Variants in CDKN2B-AS1 observed in about 807,000 individuals in gnomAD.
CDKN2B-AS1 encodes the protein CDKN2B and CDKN2A antisense cis and trans regulatory RNA 1.
chr9:22,056,215 T>TATATAC (rs1823562385), intron 3 of CDKN2B-AS1: 1 of 102,318 alleles, frequency 9.8e-6, no homozygotes, highest in Admixed American at 1.2e-4. Context: ...TGTGTGTGTA[T>TATATAC]ATATATATAT....
In CDKN2B-AS1 at chr9:22,006,417, A is replaced by G; in HGVS notation, n.29+11256A>G. The G allele has an allele frequency of 1.1e-6, 1 of 908,438 alleles. No individual in the cohort carries two copies. Among genetic ancestry groups the G allele is most frequent in the Non-Finnish European group, 1.7e-6 (1 of 591,590 alleles). The allele number at this position is 908,438 out of a possible 1,614,324, so 56.3% of individuals were successfully genotyped here. ...TGGTGTTTCTTCATTTGCTGATGCA[A>G]TCCACTTTCCCACCCCACCTTCAGG... On this transcript the variant is annotated intron_variant and non_coding_transcript_variant, in intron 1 of 4. Transcript: ENST00000650946. This position sits in a 1 kb window ranked among gnomAD's most constrained non-coding sequence, Gnocchi z 6.4.
At chr9:22,066,694 A>G (rs1824058532) in intron 4 of CDKN2B-AS1, among the ~76,000 whole-genome samples, 1 of 152,064 alleles carries the variant, frequency 6.6e-6, no homozygotes, top group Non-Finnish European at 1.5e-5. Context: ...TTTAAAAAGA[A>G]CATTCGTATT....
At position 22,123,625 on chromosome 9, in the gene CDKN2B-AS1, A is replaced by C. The variant is rs924502058; in HGVS notation, n.439-3478A>C. ...GGCCAATGATCCAGAAGTAATGATG[A>C]ATGAGAAGATGGATTAAAAAAACCC... On this transcript the variant is annotated intron_variant and non_coding_transcript_variant, in intron 4 of 4. Coordinates refer to ENST00000650946, the Ensembl canonical transcript of CDKN2B-AS1. Among the ~76,000 whole-genome samples, 9 of 152,296 alleles carry C rather than the reference A, an allele frequency of 5.9e-5. No homozygotes were observed. In the South Asian group the frequency reaches 1.7e-3, roughly 28 times the overall value.
At chr9:22,024,549 G>C (rs1485502927) in intron 1 of CDKN2B-AS1, among the ~76,000 whole-genome samples, 1 of 152,190 alleles carries the variant, frequency 6.6e-6, no homozygotes, top group East Asian at 1.9e-4. Context: ...GATTGCTCAG[G>C]GTGTGGGAGG....
rs1391368346 is a variant in CDKN2B-AS1, at chr9:21,995,264, C to G, written n.29+103C>G. On this transcript the variant is annotated intron_variant and non_coding_transcript_variant, in intron 1 of 4. Coordinates refer to ENST00000650946, the Ensembl canonical transcript of CDKN2B-AS1. The surrounding 1 kb of genome is among the most constrained non-coding windows in gnomAD (Gnocchi z 5.7). ...CGCCTGGCTGGGACAAGCACCGAGT[C>G]CTTTGTGTCTAGCCCATTTTTATTT... The G allele has an allele frequency of 6.6e-6, 1 of 152,276 alleles. No individual in the cohort carries two copies. The highest frequency in any genetic ancestry group is 1.5e-5 in the Non-Finnish European group (1 of 68,076). 9.4% of individuals were successfully genotyped at this position (152,276 alleles called of 1,614,324 possible).
At chr9:22,106,497 A>T (rs182290114) in intron 4 of CDKN2B-AS1, among the ~76,000 whole-genome samples, 3 of 152,306 alleles carry the variant, frequency 2.0e-5, no homozygotes, top group African/African-American at 7.2e-5. Context: ...GATTATAGGC[A>T]TGCGCTACCG....
intron 4 of CDKN2B-AS1, among the ~76,000 whole-genome samples, chr9:22,125,006 C>T (rs1817996059): frequency 6.6e-6 from 1 of 152,238 alleles, no homozygotes; most frequent in African/African-American, 2.4e-5. Context: ...TAGTTTCTCT[C>T]TCAGTCTCTC....
intron 1 of CDKN2B-AS1, chr9:22,012,349 C>T: frequency 1.6e-6 from 2 of 1,215,330 alleles, no homozygotes; most frequent in South Asian, 1.2e-5. Context: ...AGAAACAGCC[C>T]ACCCCGCACC....
chr9:22,065,496 C>T (rs1349337487), intron 4 of CDKN2B-AS1, among the ~76,000 whole-genome samples: 1 of 152,182 alleles, frequency 6.6e-6, no homozygotes, highest in Non-Finnish European at 1.5e-5. Context: ...CCTCCTACTT[C>T]CTTTGAAATG....
rs184981193 is a variant in CDKN2B-AS1, at chr9:22,058,118, C to T, written n.438+1731C>T. Among the ~76,000 whole-genome samples, 486 of 151,564 alleles carry T rather than the reference C, an allele frequency of 3.2e-3. 3 individuals carry two copies. The highest frequency in any genetic ancestry group is 0.011 in the African/African-American group (456 of 41,338). On this transcript the variant is annotated intron_variant and non_coding_transcript_variant, in intron 4 of 4. Coordinates refer to ENST00000650946, the Ensembl canonical transcript of CDKN2B-AS1. ...CTGAGGCAGGAGATTTGCTTGAATCCGAGAGGCAGAGGCTACAGTGAGCCG... is the reference window on the plus strand; with the variant it reads ...CTGAGGCAGGAGATTTGCTTGAATCTGAGAGGCAGAGGCTACAGTGAGCCG...
At chr9:22,088,814 G>A (rs1824956660) in intron 4 of CDKN2B-AS1, among the ~76,000 whole-genome samples, 1 of 152,178 alleles carries the variant, frequency 6.6e-6, no homozygotes, top group East Asian at 1.9e-4. Context: ...ACCACTGTAT[G>A]TACCTAGTAA....
At chr9:22,013,781 C>T (rs753952143) in intron 1 of CDKN2B-AS1, among the ~76,000 whole-genome samples, 15 of 152,168 alleles carry the variant, frequency 9.9e-5, no homozygotes, top group Non-Finnish European at 2.1e-4. Context: ...ACAGTTTCCC[C>T]CTTTTGCCTT....
At chr9:22,083,322 T>C (rs903683038) in intron 4 of CDKN2B-AS1, among the ~76,000 whole-genome samples, 3 of 152,140 alleles carry the variant, frequency 2.0e-5, no homozygotes, top group Non-Finnish European at 4.4e-5. Flanking sequence ...GATGAATTAA[T>C]GGGATGGAGT....
chr9:22,091,375 T>C (rs1825077703), intron 4 of CDKN2B-AS1, among the ~76,000 whole-genome samples: 1 of 152,216 alleles, frequency 6.6e-6, no homozygotes, highest in African/African-American at 2.4e-5. Context: ...AAGTCATTGG[T>C]AGCTTGATGG....
intron 4 of CDKN2B-AS1, chr9:22,092,410 C>T (rs1333763547): frequency 6.6e-6 from 1 of 152,172 alleles, no homozygotes; most frequent in African/African-American, 2.4e-5. Flanking sequence ...ACCAGCTCCT[C>T]TTTGTACCTC....
At chr9:22,126,709 A>T (rs1373644027) in intron 4 of CDKN2B-AS1, among the ~76,000 whole-genome samples, 2 of 150,504 alleles carry the variant, frequency 1.3e-5, no homozygotes, top group Non-Finnish European at 3.0e-5. Flanking sequence ...AGTAGCTGGG[A>T]CTACAGGCGC....
intron 1 of CDKN2B-AS1, among the ~76,000 whole-genome samples, chr9:22,036,412 A>T (rs916422377): frequency 1.2e-4 from 19 of 152,254 alleles, no homozygotes; most frequent in Admixed American, 5.9e-4. Flanking sequence ...AAAATTATTT[A>T]AAAAATTGTC....
rs199656331 is a variant in CDKN2B-AS1, at chr9:22,009,420, C to A, written n.29+14259C>A. The stretch of plus-strand genomic sequence containing the variant: ...TGATCGCCGGGAGGCCAGGCCCGGG[C>A]CGACGCGTCACGAGGGCGGGGAAGC... On this transcript the variant is annotated intron_variant and non_coding_transcript_variant, in intron 1 of 4. Coordinates refer to ENST00000650946, the Ensembl canonical transcript of CDKN2B-AS1. 3.7e-5 allele frequency: 11 copies of A among 298,860 alleles called. No individual in the cohort carries two copies. The East Asian group carries it at 6.3e-4, about 17-fold the overall frequency. The allele number at this position is 298,860 out of a possible 1,614,324, so 18.5% of individuals were successfully genotyped here. A position where few individuals can be genotyped will look rare whatever the true frequency, so the allele number is the denominator to read the frequency against.
At chr9:22,003,454 T>A (rs966386353) in intron 1 of CDKN2B-AS1, 2 of 227,476 alleles carry the variant, frequency 8.8e-6, no homozygotes, top group East Asian at 1.3e-4. Context: ...TAATTTTTCA[T>A]GACCCAGTAT....
Sources: allele counts gnomAD v4.1 joint callset (sites outside exome capture counted in the v4.1 genomes callset), GRCh38; gene constraint gnomAD v4.1.1; non-coding constraint Gnocchi (gnomAD v3.1); transcripts MANE v1.5; gene names NCBI Gene and HGNC (gene_info 2026-07-23, HGNC 2026-07-21).